The following COL19A1 variants were observed in gnomAD, a reference collection of about 807,000 sequenced individuals.
COL19A1 encodes the protein collagen alpha-1(XIX) chain.
A neutral mutation model predicts 190.2 loss-of-function variants in COL19A1; 159 were observed. That is an observed-to-expected ratio of 0.84 (90% CI 0.73 to 0.95). The LOEUF (loss-of-function observed/expected upper bound fraction) is 0.95. Ranked by LOEUF, COL19A1 falls within the 40% of genes least tolerant of loss-of-function variation. The pLI is 0.00. For missense variants in COL19A1, 1,418 were observed against 1,431.9 expected, an observed-to-expected ratio of 0.99 and a Z score of 0.16; for synonymous variants, 509 against 458.9, an observed-to-expected ratio of 1.11 and a Z score of -1.39.
intron 34 of COL19A1, among the ~76,000 whole-genome samples, chr6:70,159,746 T>C (rs1164647033): frequency 6.6e-6 from 1 of 152,062 alleles, no homozygotes; most frequent in Non-Finnish European, 1.5e-5. Flanking sequence ...CATGGCCACA[T>C]CATCTAATAT....
At chr6:70,133,825 G>A (rs901482948) in intron 18 of COL19A1, among the ~76,000 whole-genome samples, 1 of 152,162 alleles carries the variant, frequency 6.6e-6, no homozygotes, top group African/African-American at 2.4e-5. Flanking sequence ...GGTAGAAAAT[G>A]CTTTTGCTTG....
At position 70,102,218 on chromosome 6, in the gene COL19A1, C is replaced by A; in HGVS notation, c.1274C>A (p.Pro425Gln). The A allele has an allele frequency of 6.2e-7, 1 of 1,610,812 alleles. No individual in the cohort carries two copies. The highest frequency in any genetic ancestry group is 8.5e-7 in the Non-Finnish European group (1 of 1,177,108). ...CCCGGAAAACCAGGACCCCCAGGAC[C>A]ACCTGTGAGTAAACAATACAATGAC... ...GPPGKPGPPG[P>Q]PGPPGIQGIH... The change falls in exon 16 of 51, where the codon CCA becomes CAA. Residue 425 changes from proline to glutamine, a missense_variant. Physicochemically the swap from Pro to Gln is moderately conservative, Grantham distance 76. Coordinates refer to ENST00000620364, the MANE Select transcript of COL19A1 (RefSeq NM_001858.6).
intron 17 of COL19A1, among the ~76,000 whole-genome samples, chr6:70,123,642 C>G (rs9454979): frequency 0.45 from 53,473 of 118,250 alleles, 13,957 homozygotes; most frequent in African/African-American, 0.72. Context: ...AAAATGATGA[C>G]TTCATGTCCT....
At chr6:70,060,449 G>A (rs1033285054) in intron 14 of COL19A1, among the ~76,000 whole-genome samples, 1 of 152,060 alleles carries the variant, frequency 6.6e-6, no homozygotes, top group African/African-American at 2.4e-5. Flanking sequence ...CACATAGCAG[G>A]AGGTGAGTGG....
At chr6:70,148,135 C>G (rs1786789732) in intron 27 of COL19A1, among the ~76,000 whole-genome samples, 1 of 151,976 alleles carries the variant, frequency 6.6e-6, no homozygotes, top group Admixed American at 6.6e-5. Flanking sequence ...TTTATAGAGG[C>G]TTCATCATGT....
chr6:69,968,749 TG>T (rs535298915), intron 11 of COL19A1, among the ~76,000 whole-genome samples: 110 of 152,308 alleles, frequency 7.2e-4, no homozygotes, highest in Non-Finnish European at 1.4e-3. Flanking sequence ...GTTGTGACTT[TG>T]GGCCACTTAA....
chr6:70,180,444 T>C lies in COL19A1; in HGVS notation c.2713-17T>C, dbSNP rs367762984. On this transcript the variant is annotated splice_polypyrimidine_tract_variant and intron_variant, in intron 43 of 50. Transcript: ENST00000620364. The stretch of plus-strand genomic sequence containing the variant: ...CATTTGTTGGCAATTAATTTGTGTC[T>C]GTGGATGTGTTTATAGGGTGAGAGA... The C allele has an allele frequency of 4.3e-6, 7 of 1,614,022 alleles. No individual in the cohort carries two copies. The highest frequency in any genetic ancestry group is 5.9e-6 in the Non-Finnish European group (7 of 1,180,010).
chr6:70,088,185 G>A (rs1411049597), intron 15 of COL19A1, among the ~76,000 whole-genome samples: 1 of 152,064 alleles, frequency 6.6e-6, no homozygotes, highest in Non-Finnish European at 1.5e-5. Context: ...ATCATAGAAA[G>A]CCCCTTTCAA....
intron 8 of COL19A1, among the ~76,000 whole-genome samples, chr6:69,937,311 G>A (rs1204829287): frequency 1.3e-5 from 2 of 152,092 alleles, no homozygotes; most frequent in Non-Finnish European, 2.9e-5. Context: ...TTTCTGTATA[G>A]ACTGTGTTTT....
At chr6:69,988,757 A>C (rs537205543) in intron 11 of COL19A1, among the ~76,000 whole-genome samples, 2 of 152,138 alleles carry the variant, frequency 1.3e-5, no homozygotes, top group African/African-American at 4.8e-5. Context: ...TCTCAAGAGG[A>C]TGGTTCCTAA....
chr6:69,996,916 T>TTCTGTGTG (rs369492433), intron 11 of COL19A1, among the ~76,000 whole-genome samples: 1 of 146,024 alleles, frequency 6.8e-6, no homozygotes, highest in African/African-American at 2.5e-5. Flanking sequence ...TCAAAAAGAC[T>TTCTGTGTG]TGTGTGTGTG....
intron 14 of COL19A1, among the ~76,000 whole-genome samples, chr6:70,045,755 C>T (rs1253849912): frequency 6.6e-6 from 1 of 152,188 alleles, no homozygotes; most frequent in Non-Finnish European, 1.5e-5. Context: ...CTTTACTTTA[C>T]AGGAATTGCA....
chr6:70,176,530 G>A lies in COL19A1; in HGVS notation c.2633G>A (p.Gly878Asp). 6.2e-7 allele frequency: 1 copy of A among 1,613,496 alleles called. No homozygotes were observed. The highest frequency in any genetic ancestry group is 8.5e-7 in the Non-Finnish European group (1 of 1,179,714). Residue 878 changes from glycine to aspartate, a missense_variant, in exon 42 of 51, where the codon GGC becomes GAC. Physicochemically the swap from Gly to Asp is moderately conservative, Grantham distance 94. Transcript: ENST00000620364. The part of the protein sequence containing the change: ...EGFPGVKGDR[G>D]PAGPPGIAGM... ...TTTAAATCCCAACAGGGAGATCGAG[G>A]CCCAGCAGGTCCCCCAGGAATAGCA...
chr6:70,089,325 A>T (rs1304920176), intron 15 of COL19A1, among the ~76,000 whole-genome samples: 1 of 152,056 alleles, frequency 6.6e-6, no homozygotes, highest in Non-Finnish European at 1.5e-5. Flanking sequence ...CAAGGCTCTC[A>T]TTTGCAAAGT....
At chr6:69,975,490 C>T (rs1440088007) in intron 11 of COL19A1, among the ~76,000 whole-genome samples, 3 of 152,144 alleles carry the variant, frequency 2.0e-5, no homozygotes, top group Non-Finnish European at 4.4e-5. Context: ...TAGAATCACA[C>T]ATGTTTAGAG....
At chr6:70,064,238 G>T (rs1781033639) in intron 14 of COL19A1, among the ~76,000 whole-genome samples, 1 of 152,088 alleles carries the variant, frequency 6.6e-6, no homozygotes, top group Non-Finnish European at 1.5e-5. Flanking sequence ...ATAAAGTACT[G>T]GAAAACCGAA....
chr6:69,923,225 A>C (rs1323532930), intron 4 of COL19A1, among the ~76,000 whole-genome samples: 1 of 152,150 alleles, frequency 6.6e-6, no homozygotes, highest in Non-Finnish European at 1.5e-5. Flanking sequence ...TATTCAAGAA[A>C]AACTTTGAAT....
At chr6:70,185,731 AC>A (rs1766472153) in intron 46 of COL19A1, among the ~76,000 whole-genome samples, 2 of 152,164 alleles carry the variant, frequency 1.3e-5, no homozygotes, top group African/African-American at 2.4e-5. Flanking sequence ...GCAAGAAGTT[AC>A]TCAAACATTG....
At chr6:70,049,164 C>G (rs1047523441) in intron 14 of COL19A1, among the ~76,000 whole-genome samples, 1 of 151,876 alleles carries the variant, frequency 6.6e-6, no homozygotes, top group Non-Finnish European at 1.5e-5. Context: ...TGAATCAACA[C>G]TATTAGTTTT....
Sources: gnomAD v4.1 joint callset for allele counts (sites outside exome capture counted in the v4.1 genomes callset) on GRCh38, gnomAD v4.1.1 for gene constraint, MANE v1.5 for transcripts, NCBI Gene and HGNC (gene_info 2026-07-23, HGNC 2026-07-21) for gene names.